Variants in CPE observed in about 807,000 individuals in gnomAD.
CPE encodes the protein carboxypeptidase E.
A neutral mutation model predicts 53.5 loss-of-function variants in CPE; 17 were observed. The ratio of observed to expected loss-of-function variants is 0.32; its 90% CI spans 0.22 to 0.48. CPE has a LOEUF of 0.48. Ranked by LOEUF, CPE falls within the 20% of genes least tolerant of loss-of-function variation. The probability of loss-of-function intolerance (pLI) is 0.99; values close to 1 mark genes in which losing one functional copy is unlikely to be tolerated. For synonymous variants in CPE, 226 were observed against 228.8 expected, an observed-to-expected ratio of 0.99 and a Z score of 0.11; for missense variants, 524 against 614.7, an observed-to-expected ratio of 0.85 and a Z score of 1.56.
At chr4:165,487,918 C>T (rs1395032519) in intron 6 of CPE, among the ~76,000 whole-genome samples, 7 of 152,032 alleles carry the variant, frequency 4.6e-5, no homozygotes, top group South Asian at 2.1e-4. Context: ...GTAAGGCAAG[C>T]GAGGCACCTG....
At chr4:165,468,448 G>C (rs1732146255) in intron 3 of CPE, among the ~76,000 whole-genome samples, 1 of 152,186 alleles carries the variant, frequency 6.6e-6, no homozygotes, top group Admixed American at 6.5e-5. Flanking sequence ...TTATGTCTCT[G>C]TTTTACTAGC....
At chr4:165,381,144 G>T (rs1488742043) in intron 1 of CPE, 2 of 394,670 alleles carry the variant, frequency 5.1e-6, no homozygotes, top group East Asian at 7.3e-5. Flanking sequence ...ACTTTTTGTT[G>T]TTTCAAATTT....
At chr4:165,403,673 T>TA (rs1303333970) in intron 1 of CPE, among the ~76,000 whole-genome samples, 2 of 151,806 alleles carry the variant, frequency 1.3e-5, no homozygotes, top group Non-Finnish European at 2.9e-5. Context: ...TTCATTCTTT[T>TA]TTTTTTTTTT....
chr4:165,491,918 C>T (rs1732613096), intron 6 of CPE, among the ~76,000 whole-genome samples: 1 of 151,978 alleles, frequency 6.6e-6, no homozygotes, highest in Non-Finnish European at 1.5e-5. Flanking sequence ...TTCTATAGCC[C>T]GATTGAGTGA....
intron 3 of CPE, 104 bp downstream of exon 3, chr4:165,467,959 T>C (rs1420635702): frequency 1.6e-6 from 2 of 1,279,070 alleles, no homozygotes; most frequent in African/African-American, 3.0e-5. Flanking sequence ...TCACAGCTTG[T>C]ATGGGGTGGT....
chr4:165,436,505 T>C (rs1731503393), intron 1 of CPE, among the ~76,000 whole-genome samples: 1 of 152,134 alleles, frequency 6.6e-6, no homozygotes, highest in Admixed American at 6.6e-5. Context: ...TCTTTACAAC[T>C]AGAAAAAATA....
At chr4:165,381,488 T>G (rs1231229299) in intron 1 of CPE, 1 of 350,046 alleles carries the variant, frequency 2.9e-6, no homozygotes, top group East Asian at 7.6e-5. Context: ...ATACGTTGAT[T>G]GAATTCCTCT....
intron 4 of CPE, among the ~76,000 whole-genome samples, chr4:165,483,058 T>G (rs576545554): frequency 6.6e-6 from 1 of 152,068 alleles, no homozygotes; most frequent in South Asian, 2.1e-4. Flanking sequence ...TACACGGATA[T>G]ATTACATAAT....
intron 1 of CPE, among the ~76,000 whole-genome samples, chr4:165,460,014 G>A (rs936704058): frequency 6.6e-6 from 1 of 151,378 alleles, no homozygotes. Context: ...GCTTCTAGCC[G>A]CTTTCCCCGC....
intron 1 of CPE, among the ~76,000 whole-genome samples, chr4:165,435,922 C>G (rs995775880): frequency 1.3e-5 from 2 of 152,076 alleles, no homozygotes; most frequent in Admixed American, 6.6e-5. Flanking sequence ...CACAGTTGAC[C>G]CTACGGACCA....
At chr4:165,496,125 T>C (rs1464527570) in intron 8 of CPE, among the ~76,000 whole-genome samples, 1 of 152,192 alleles carries the variant, frequency 6.6e-6, no homozygotes, top group East Asian at 1.9e-4. Flanking sequence ...AACCATATCT[T>C]ATTTAAGTAG....
At chr4:165,487,619 A>G in intron 6 of CPE, 42 bp downstream of exon 6, 1 of 1,610,310 alleles carries the variant, frequency 6.2e-7, no homozygotes, top group Non-Finnish European at 8.5e-7. Flanking sequence ...GTTTACAAGC[A>G]TTCAAACCTG....
intron 5 of CPE, among the ~76,000 whole-genome samples, chr4:165,484,921 G>A (rs1414654684): frequency 6.6e-6 from 1 of 152,168 alleles, no homozygotes. Flanking sequence ...TAGGGAATAA[G>A]ATGGCATCCT....
intron 3 of CPE, among the ~76,000 whole-genome samples, chr4:165,475,819 G>A (rs549323794): frequency 3.8e-4 from 58 of 152,174 alleles, no homozygotes; most frequent in Middle Eastern, 3.4e-3. Context: ...CCACCCCTCC[G>A]AGCCACCCAT....
In CPE at chr4:165,464,394, G is replaced by A; in HGVS notation, c.312G>A (p.Glu104=). 1 of 1,601,768 alleles carries A rather than the reference G, an allele frequency of 6.2e-7. No individual in the cohort carries two copies. The highest frequency in any genetic ancestry group is 8.5e-7 in the Non-Finnish European group (1 of 1,173,428). Residue 104 remains glutamate (E), a synonymous_variant, in exon 2 of 9, where the codon GAG becomes GAA. Transcript: ENST00000402744. ...TGCTATCTATTAATCTTTTAGGTGA[G>A]CCTGAATTTAAATACATTGGGAATA... ...SDNPGVHEPG[E]PEFKYIGNMH...
At chr4:165,421,273 A>C (rs1731205862) in intron 1 of CPE, among the ~76,000 whole-genome samples, 2 of 152,198 alleles carry the variant, frequency 1.3e-5, no homozygotes, top group African/African-American at 4.8e-5. Context: ...TAAAAACAAC[A>C]CATGTATTGA....
At chr4:165,480,317 T>C (rs1480750678) in intron 3 of CPE, among the ~76,000 whole-genome samples, 5 of 152,250 alleles carry the variant, frequency 3.3e-5, no homozygotes, top group Non-Finnish European at 7.3e-5. Context: ...AGATTTTAAC[T>C]TAAAACATTT....
At chr4:165,432,082 C>T (rs1731418043) in intron 1 of CPE, among the ~76,000 whole-genome samples, 1 of 151,758 alleles carries the variant, frequency 6.6e-6, no homozygotes. Flanking sequence ...AAAAGAAGGT[C>T]GGGGAAGACA....
intron 1 of CPE, chr4:165,405,710 G>T (rs1730942582): frequency 4.8e-6 from 4 of 832,050 alleles, no homozygotes; most frequent in Non-Finnish European, 8.4e-6. Context: ...TCCACCAATT[G>T]GTCAACCAGT....
Sources: gnomAD v4.1 joint callset for allele counts (sites outside exome capture counted in the v4.1 genomes callset) on GRCh38, gnomAD v4.1.1 for gene constraint, MANE v1.5 for transcripts, NCBI Gene and HGNC (gene_info 2026-07-23, HGNC 2026-07-21) for gene names.